Variants in TSHR observed in about 807,000 individuals in gnomAD.
TSHR encodes thyrotropin receptor.
Under a neutral mutation model 64.1 loss-of-function variants are expected in TSHR, and 51 were observed. That is an observed-to-expected ratio of 0.80 (90% confidence interval 0.64 to 1.01). The LOEUF (loss-of-function observed/expected upper bound fraction) is 1.01, where lower values mean the gene tolerates loss of function less well. Among genes scored for constraint, TSHR ranks in the 50% least tolerant of loss-of-function variants. The pLI is 0.00. For missense variants in TSHR, 877 were observed against 942.8 expected, an observed-to-expected ratio of 0.93 and a Z score of 0.91; for synonymous variants, 361 against 361.9, an observed-to-expected ratio of 1.00 and a Z score of 0.03.
intron 7 of TSHR, 126 bp from the exon 8 acceptor site, chr14:81,108,249 T>A: frequency 2.5e-6 from 2 of 803,418 alleles, no homozygotes; most frequent in Non-Finnish European, 4.2e-6. Flanking sequence ...AGATAAAGTA[T>A]CTTCTAAATT....
intron 8 of TSHR, among the ~76,000 whole-genome samples, chr14:81,122,209 A>AT (rs1282091176): frequency 1.3e-5 from 2 of 150,770 alleles, no homozygotes; most frequent in East Asian, 2.0e-4. Context: ...TACCTGGCTA[A>AT]TTTTTGTATT....
intron 8 of TSHR, among the ~76,000 whole-genome samples, chr14:81,111,727 T>C (rs995342995): frequency 1.3e-5 from 2 of 152,214 alleles, no homozygotes; most frequent in South Asian, 4.1e-4. Flanking sequence ...TGCTGGCATT[T>C]TAATTCTGCC....
chr14:81,037,208 G>A (rs1216292056), intron 1 of TSHR, among the ~76,000 whole-genome samples: 3 of 151,680 alleles, frequency 2.0e-5, no homozygotes, highest in Non-Finnish European at 4.4e-5. Context: ...TAGAATACTT[G>A]CATGTAGCCA....
chr14:80,973,298 G>A (rs36193909), intron 1 of TSHR, among the ~76,000 whole-genome samples: 22,337 of 150,600 alleles, frequency 0.15, 1,872 homozygotes, highest in East Asian at 0.37. Flanking sequence ...CCAGCTACTC[G>A]GGAGGCTGAG....
At chr14:81,091,179 T>C (rs748695022) in intron 5 of TSHR, 36 bp downstream of exon 5, 1 of 1,555,528 alleles carries the variant, frequency 6.4e-7, no homozygotes, top group Non-Finnish European at 8.8e-7. Context: ...GACAATATTT[T>C]GTTTGTCACT....
intron 1 of TSHR, among the ~76,000 whole-genome samples, chr14:81,004,846 C>T (rs910664513): frequency 1.3e-5 from 2 of 152,140 alleles, no homozygotes; most frequent in Non-Finnish European, 2.9e-5. Context: ...GCAGGATGCC[C>T]CACAGGTGTT....
intron 1 of TSHR, chr14:81,001,667 G>A (rs759617837): frequency 9.7e-6 from 5 of 515,674 alleles, no homozygotes; most frequent in Non-Finnish European, 1.9e-5. Context: ...GATACTTGGT[G>A]GCTTTTCGTA....
chr14:80,970,231 A>G (rs1887524862), intron 1 of TSHR, among the ~76,000 whole-genome samples: 1 of 152,198 alleles, frequency 6.6e-6, no homozygotes, highest in African/African-American at 2.4e-5. Flanking sequence ...AGTCTAGGCC[A>G]CCTATTCATG....
intron 1 of TSHR, among the ~76,000 whole-genome samples, chr14:81,020,605 A>G (rs1883697406): frequency 6.6e-6 from 1 of 152,230 alleles, no homozygotes; most frequent in South Asian, 2.1e-4. Flanking sequence ...ACAGGTTAAC[A>G]TCAGCAGAGA....
Position 80,957,285 on chromosome 14 carries a change from C to G in TSHR, c.170+1435C>G, listed in dbSNP as rs145563337. Reference sequence around the variant, plus strand: ...CTTCAGGCTGGGTAAGCTATACCCCCCTTCCCAACAGCGTTCTCTGCATGA... The same window carrying G: ...CTTCAGGCTGGGTAAGCTATACCCCGCTTCCCAACAGCGTTCTCTGCATGA... On this transcript the variant is annotated intron_variant, in intron 1 of 9. Coordinates refer to ENST00000298171, the MANE Select transcript of TSHR (RefSeq NM_000369.5). Among the ~76,000 whole-genome samples, 44 of 152,210 alleles carry G rather than the reference C, an allele frequency of 2.9e-4. No individual in the cohort carries two copies. The East Asian group carries it at 7.5e-3, about 26-fold the overall frequency.
At chr14:81,118,872 C>T (rs1156926406) in intron 8 of TSHR, among the ~76,000 whole-genome samples, 18 of 149,518 alleles carry the variant, frequency 1.2e-4, no homozygotes, top group African/African-American at 3.8e-4. Context: ...GAAATAATGC[C>T]GCATGTCTAC....
intron 1 of TSHR, among the ~76,000 whole-genome samples, chr14:80,997,346 G>T (rs1889076781): frequency 6.6e-6 from 1 of 152,270 alleles, no homozygotes; most frequent in African/African-American, 2.4e-5. Context: ...CGGACAAATA[G>T]TAACATTCAC....
intron 7 of TSHR, among the ~76,000 whole-genome samples, chr14:81,106,830 A>C (rs1889923636): frequency 6.6e-6 from 1 of 151,640 alleles, no homozygotes; most frequent in Admixed American, 6.6e-5. Context: ...CTGTAGTCCC[A>C]GTTACTCAGG....
intron 7 of TSHR, among the ~76,000 whole-genome samples, chr14:81,099,222 G>T (rs1183346709): frequency 6.6e-6 from 1 of 151,518 alleles, no homozygotes; most frequent in African/African-American, 2.4e-5. Context: ...TTGTCCAATT[G>T]TCACGTTTTA....
intron 2 of TSHR, among the ~76,000 whole-genome samples, chr14:81,066,604 C>T (rs1300182518): frequency 2.0e-5 from 3 of 152,284 alleles, no homozygotes; most frequent in African/African-American, 2.4e-5. Flanking sequence ...AACATTGCAT[C>T]GATGAGGATA....
At chr14:81,047,646 CAT>C (rs928984862) in intron 1 of TSHR, among the ~76,000 whole-genome samples, 30 of 148,886 alleles carry the variant, frequency 2.0e-4, no homozygotes, top group African/African-American at 6.6e-4. Flanking sequence ...ACAGATGACA[CAT>C]GTTTGTTCAT....
chr14:81,102,780 A>C (rs909995148), intron 7 of TSHR: 16 of 985,218 alleles, frequency 1.6e-5, no homozygotes, highest in Non-Finnish European at 1.9e-5. Flanking sequence ...GTATTCAGTG[A>C]GGATGACCAT....
chr14:81,110,310 T>C (rs1218930954), intron 8 of TSHR, among the ~76,000 whole-genome samples: 2 of 152,172 alleles, frequency 1.3e-5, no homozygotes, highest in Non-Finnish European at 2.9e-5. Context: ...ATAAGGCTGT[T>C]AGGTGAGCCC....
At chr14:81,066,436 G>A (rs754414891) in intron 2 of TSHR, among the ~76,000 whole-genome samples, 8 of 152,174 alleles carry the variant, frequency 5.3e-5, no homozygotes, top group Non-Finnish European at 7.4e-5. Flanking sequence ...TTTATATAAC[G>A]TTATTATCTG....
Sources: gnomAD v4.1 joint callset for allele counts (sites outside exome capture counted in the v4.1 genomes callset) on GRCh38, gnomAD v4.1.1 for gene constraint, MANE v1.5 for transcripts, NCBI Gene and HGNC (gene_info 2026-07-23, HGNC 2026-07-21) for gene names.